The following CNTN5 variants were observed in gnomAD, a reference collection of about 807,000 sequenced individuals.
The protein encoded by CNTN5 is contactin 5.
CNTN5 carries 77 observed loss-of-function variants against 129.1 expected under a neutral mutation model. The observed-to-expected ratio is 0.60, with a 90% confidence interval of 0.50 to 0.72. The LOEUF (loss-of-function observed/expected upper bound fraction) is 0.72, where lower values mean the gene tolerates loss of function less well. Ranked by LOEUF, CNTN5 falls within the 30% of genes least tolerant of loss-of-function variation. The probability of loss-of-function intolerance (pLI) is 0.00; values close to 1 mark genes in which losing one functional copy is unlikely to be tolerated. For synonymous variants in CNTN5, 509 were observed against 465.6 expected (o/e 1.09, Z -1.20); for missense variants, 1,478 against 1,328.8 (o/e 1.11, Z -1.75).
chr11:99,657,092 A>G (rs1952401431), intron 3 of CNTN5, among the ~76,000 whole-genome samples: 2 of 150,206 alleles, frequency 1.3e-5, no homozygotes. Context: ...GAAAAAAAAT[A>G]AATCTAAGTA....
rs61759483 is a variant in CNTN5 at position 100,074,268 on chromosome 11, A to T, written c.1554A>T (p.Gly518=). The T allele has an allele frequency of 1.1e-4, 183 of 1,607,456 alleles. No individual in the cohort carries two copies. Among genetic ancestry groups the T allele is most frequent in the Non-Finnish European group, 1.5e-4 (175 of 1,176,554 alleles). The change falls in exon 13 of 25, where the codon GGA becomes GGT. Residue 518 remains glycine, a synonymous_variant. Coordinates refer to ENST00000524871, the MANE Select transcript of CNTN5 (RefSeq NM_014361.4). ...SPKPTISWKK[G]DRAVRENKRI... ...AACCAACCATCTCTTGGAAGAAAGG[A>T]GACAGAGCAGTTAGAGAAAACAAAA... is the stretch of plus-strand genomic sequence containing the variant.
intron 3 of CNTN5, among the ~76,000 whole-genome samples, chr11:99,800,774 A>G (rs1327605908): frequency 1.3e-5 from 2 of 152,044 alleles, no homozygotes; most frequent in Non-Finnish European, 2.9e-5. Flanking sequence ...TGTTTAACCG[A>G]TCTTCCTTAA....
chr11:99,658,341 A>G (rs1952458539), intron 3 of CNTN5, among the ~76,000 whole-genome samples: 1 of 152,174 alleles, frequency 6.6e-6, no homozygotes, highest in Admixed American at 6.6e-5. Flanking sequence ...GAACAAGTGA[A>G]TAGAGTCAGA....
chr11:99,118,135 T>C (rs1160586759), intron 1 of CNTN5, among the ~76,000 whole-genome samples: 4 of 152,148 alleles, frequency 2.6e-5, no homozygotes, highest in African/African-American at 9.7e-5. Context: ...AGAGTAGATA[T>C]ATGTTTAGCA....
At chr11:100,196,938 C>G (rs1030277315) in intron 15 of CNTN5, among the ~76,000 whole-genome samples, 1 of 151,946 alleles carries the variant, frequency 6.6e-6, no homozygotes, top group African/African-American at 2.4e-5. Context: ...AAAGGCATAG[C>G]CCTTCACACC....
At chr11:99,890,002 A>C (rs941161200) in intron 6 of CNTN5, among the ~76,000 whole-genome samples, 1 of 152,204 alleles carries the variant, frequency 6.6e-6, no homozygotes, top group African/African-American at 2.4e-5. Flanking sequence ...AAAGGACTAC[A>C]ATTAGAGATC....
chr11:100,055,022 G>A (rs571967495), intron 9 of CNTN5, among the ~76,000 whole-genome samples: 106 of 113,102 alleles, frequency 9.4e-4, no homozygotes, highest in Non-Finnish European at 1.4e-3. Context: ...CATCATAGCC[G>A]TAGCCTAAAA....
intron 9 of CNTN5, among the ~76,000 whole-genome samples, chr11:100,018,236 A>C (rs1245930197): frequency 6.6e-6 from 1 of 151,932 alleles, no homozygotes; most frequent in African/African-American, 2.4e-5. Flanking sequence ...ACCATCGCAC[A>C]ATCCACATAA....
intron 2 of CNTN5, among the ~76,000 whole-genome samples, chr11:99,527,306 T>G (rs111313373): frequency 5.6e-4 from 85 of 152,332 alleles, no homozygotes; most frequent in African/African-American, 1.8e-3. Flanking sequence ...ATTGACCTTA[T>G]GTTCCCTTCA....
At chr11:99,040,587 G>T (rs1458892251) in intron 1 of CNTN5, among the ~76,000 whole-genome samples, 1 of 152,062 alleles carries the variant, frequency 6.6e-6, no homozygotes, top group Non-Finnish European at 1.5e-5. Flanking sequence ...GAAATGTTGA[G>T]TTTATGCAAA....
chr11:99,617,968 CT>C (rs1950813138), intron 3 of CNTN5, among the ~76,000 whole-genome samples: 1 of 152,212 alleles, frequency 6.6e-6, no homozygotes, highest in South Asian at 2.1e-4. Flanking sequence ...ATTACAGCCC[CT>C]AATACAGTAT....
At chr11:100,050,109 G>C (rs932074384) in intron 9 of CNTN5, among the ~76,000 whole-genome samples, 2 of 152,174 alleles carry the variant, frequency 1.3e-5, no homozygotes, top group African/African-American at 4.8e-5. Flanking sequence ...ATTTGACCCA[G>C]CCATCCCATT....
At chr11:99,894,540 AAAAAC>A (rs1826158386) in intron 6 of CNTN5, among the ~76,000 whole-genome samples, 1 of 148,832 alleles carries the variant, frequency 6.7e-6, no homozygotes, top group African/African-American at 2.5e-5. Flanking sequence ...CCAAAAAACA[AAAAAC>A]AAAAACAAAA....
intron 1 of CNTN5, among the ~76,000 whole-genome samples, chr11:99,097,209 C>A (rs1241635010): frequency 6.6e-6 from 1 of 151,896 alleles, no homozygotes; most frequent in Non-Finnish European, 1.5e-5. Context: ...ATGTCCCTTG[C>A]ACATACAGTC....
At chr11:100,121,175 G>A (rs966416997) in intron 13 of CNTN5, among the ~76,000 whole-genome samples, 2 of 151,916 alleles carry the variant, frequency 1.3e-5, no homozygotes, top group Non-Finnish European at 2.9e-5. Flanking sequence ...TTGGATCCTG[G>A]CAAAACAGTT....
At chr11:99,262,085 C>T (rs905325504) in intron 1 of CNTN5, among the ~76,000 whole-genome samples, 1 of 151,952 alleles carries the variant, frequency 6.6e-6, no homozygotes, top group Non-Finnish European at 1.5e-5. Flanking sequence ...CATGACATTT[C>T]CTCCTCTCAA....
chr11:99,799,621 T>G (rs1161656298), intron 3 of CNTN5, among the ~76,000 whole-genome samples: 1 of 152,134 alleles, frequency 6.6e-6, no homozygotes, highest in Non-Finnish European at 1.5e-5. Flanking sequence ...ATTAACTTTT[T>G]GATAAGCTGT....
intron 8 of CNTN5, among the ~76,000 whole-genome samples, chr11:99,990,011 C>T (rs1013789628): frequency 7.2e-5 from 11 of 152,202 alleles, no homozygotes; most frequent in Admixed American, 5.2e-4. Context: ...ATGATATGCC[C>T]GCCTCAGCCT....
intron 3 of CNTN5, among the ~76,000 whole-genome samples, chr11:99,585,280 G>T (rs1255155354): frequency 6.6e-6 from 1 of 152,152 alleles, no homozygotes; most frequent in Non-Finnish European, 1.5e-5. Flanking sequence ...TATCTGAAAA[G>T]GTTATTACAA....
Sources: allele counts gnomAD v4.1 joint callset (sites outside exome capture counted in the v4.1 genomes callset), GRCh38; gene constraint gnomAD v4.1.1; transcripts MANE v1.5; gene names NCBI Gene and HGNC (gene_info 2026-07-23, HGNC 2026-07-21).